The following SND1 variants were observed in gnomAD, a reference collection of about 807,000 sequenced individuals.
SND1 encodes the protein staphylococcal nuclease and tudor domain containing 1.
A neutral mutation model predicts 121.7 loss-of-function variants in SND1; 38 were observed. The ratio of observed to expected loss-of-function variants is 0.31; its 90% confidence interval spans 0.24 to 0.41. The LOEUF (loss-of-function observed/expected upper bound fraction) is 0.41, where lower values mean the gene tolerates loss of function less well. Among genes scored for constraint, SND1 ranks in the 10% least tolerant of loss-of-function variants. SND1 has a pLI of 1.00. For missense variants in SND1, 868 were observed against 1,184.6 expected (o/e 0.73, Z 3.92); for synonymous variants, 401 against 447.4 (o/e 0.90, Z 1.31).
At chr7:127,918,903 A>G (rs1430800260) in intron 14 of SND1, among the ~76,000 whole-genome samples, 1 of 152,158 alleles carries the variant, frequency 6.6e-6, no homozygotes, top group Non-Finnish European at 1.5e-5. Context: ...TTTTAATTGG[A>G]TGCATTTGTT....
intron 15 of SND1, among the ~76,000 whole-genome samples, chr7:127,945,980 C>T (rs1011793048): frequency 2.0e-5 from 3 of 152,190 alleles, no homozygotes; most frequent in African/African-American, 7.2e-5. Flanking sequence ...ATATTTATCT[C>T]CAGGTAACAA....
intron 10 of SND1, among the ~76,000 whole-genome samples, chr7:127,779,631 G>A (rs1317039034): frequency 2.0e-5 from 3 of 152,176 alleles, no homozygotes; most frequent in African/African-American, 7.2e-5. Flanking sequence ...GGTCACTGGG[G>A]ACACTTAATG....
At chr7:127,922,198 T>TTTTG (rs1800731723) in intron 14 of SND1, among the ~76,000 whole-genome samples, 1 of 126,874 alleles carries the variant, frequency 7.9e-6, no homozygotes, top group Non-Finnish European at 1.6e-5. Flanking sequence ...TTTTTTTTTT[T>TTTTG]TTTTTGTTTT....
At chr7:127,813,517 A>T (rs1307454603) in intron 11 of SND1, among the ~76,000 whole-genome samples, 3 of 152,146 alleles carry the variant, frequency 2.0e-5, no homozygotes, top group African/African-American at 7.2e-5. Flanking sequence ...TGTTGAGCTG[A>T]GCACACATTT....
intron 10 of SND1, among the ~76,000 whole-genome samples, chr7:127,726,833 A>G (rs1181874279): frequency 6.6e-6 from 1 of 152,210 alleles, no homozygotes; most frequent in East Asian, 1.9e-4. Flanking sequence ...CCCCAGGTGT[A>G]TAAAATTTGC....
intron 10 of SND1, among the ~76,000 whole-genome samples, chr7:127,753,819 G>A (rs939353270): frequency 7.2e-5 from 11 of 152,028 alleles, no homozygotes; most frequent in African/African-American, 2.4e-4. Flanking sequence ...ACCCTGCCCA[G>A]CTAATACAAT....
At chr7:127,723,104 G>C (rs1365577390) in intron 10 of SND1, among the ~76,000 whole-genome samples, 4 of 152,322 alleles carry the variant, frequency 2.6e-5, no homozygotes, top group African/African-American at 9.6e-5. Context: ...TTATGTTAAT[G>C]TAGACTATAT....
At chr7:127,958,787 T>G (rs1801659489) in intron 15 of SND1, among the ~76,000 whole-genome samples, 1 of 151,948 alleles carries the variant, frequency 6.6e-6, no homozygotes, top group African/African-American at 2.4e-5. Context: ...TGCAGAAGAG[T>G]AAACCACTGG....
chr7:127,674,983 C>T (rs1248327210), intron 1 of SND1, among the ~76,000 whole-genome samples: 1 of 152,200 alleles, frequency 6.6e-6, no homozygotes, highest in Non-Finnish European at 1.5e-5. Flanking sequence ...GGCAGATCAC[C>T]TGAGGTCAGG....
chr7:127,785,473 CT>C (rs920336327), intron 10 of SND1, among the ~76,000 whole-genome samples: 1 of 152,206 alleles, frequency 6.6e-6, no homozygotes, highest in Admixed American at 6.5e-5. Context: ...AGATGACATT[CT>C]TTAAGAAATA....
chr7:128,034,122 C>T (rs1346550519), intron 16 of SND1, among the ~76,000 whole-genome samples: 2 of 152,114 alleles, frequency 1.3e-5, no homozygotes, highest in Non-Finnish European at 2.9e-5. Context: ...AACCCTGAGT[C>T]CGATGTTTTC....
At position 127,702,513 on chromosome 7, in the gene SND1, T is replaced by A; in HGVS notation, c.668T>A (p.Leu223Gln). The A allele has an allele frequency of 6.2e-7, 1 of 1,614,044 alleles. No individual in the cohort carries two copies. Among genetic ancestry groups the A allele is most frequent in the Non-Finnish European group, 8.5e-7 (1 of 1,179,920 alleles). ...LPDYYLVTVM[L>Q]SGIKCPTFRR... is the part of the protein sequence containing the mutation. ...GATTACTACCTGGTTACAGTCATGC[T>A]GTCAGGCATCAAGGTCAGACCATAC... Residue 223 changes from leucine (L) to glutamine (Q), a missense_variant, in exon 6 of 24, where the codon CTG becomes CAG. By Grantham distance (113) the Leu-to-Gln change is moderately radical. Coordinates refer to ENST00000354725, the MANE Select transcript of SND1 (RefSeq NM_014390.4).
chr7:127,980,415 C>T lies in SND1; in HGVS notation c.1670-10532C>T, dbSNP rs1361728449. Among the ~76,000 whole-genome samples, 3 of 16,672 alleles carry T rather than the reference C, an allele frequency of 1.8e-4. 1 individual carries two copies. Among genetic ancestry groups the T allele is most frequent in the Non-Finnish European group, 3.3e-4 (3 of 8,998 alleles). The allele number at this position is 16,672 out of a possible 152,430, so 10.9% of individuals were successfully genotyped here. A position where few individuals can be genotyped will look rare whatever the true frequency, so the allele number is the denominator to read the frequency against. The stretch of plus-strand genomic sequence containing the variant: ...GATTACAGGCGTGAGCCACCGCGCC[C>T]GGCCTCTTTTTCTTTAAAGTAAAGT... On this transcript the variant is annotated intron_variant, in intron 15 of 23. Transcript: ENST00000354725.
At chr7:128,087,800 C>T (rs746839677) in intron 21 of SND1, among the ~76,000 whole-genome samples, 6 of 152,102 alleles carry the variant, frequency 3.9e-5, no homozygotes, top group Non-Finnish European at 7.4e-5. Context: ...GTCCTGCCAT[C>T]TGAGAACAGG....
At chr7:127,899,024 G>A (rs114036048) in intron 13 of SND1, among the ~76,000 whole-genome samples, 46 of 152,160 alleles carry the variant, frequency 3.0e-4, no homozygotes, top group African/African-American at 9.4e-4. Context: ...TCACTGTTCC[G>A]CATTAATCAG....
intron 14 of SND1, among the ~76,000 whole-genome samples, chr7:127,907,807 A>C (rs907455368): frequency 1.3e-5 from 2 of 151,988 alleles, no homozygotes; most frequent in Admixed American, 1.3e-4. Context: ...TTGAGTTTCT[A>C]CTCCTTTTCC....
intron 13 of SND1, among the ~76,000 whole-genome samples, chr7:127,897,984 A>T (rs1365346163): frequency 6.6e-6 from 1 of 152,084 alleles, no homozygotes; most frequent in Non-Finnish European, 1.5e-5. Context: ...CCTCTCAAGA[A>T]GACTTTAGAC....
At chr7:127,870,550 A>G (rs1799566243) in intron 12 of SND1, among the ~76,000 whole-genome samples, 1 of 152,216 alleles carries the variant, frequency 6.6e-6, no homozygotes, top group East Asian at 1.9e-4. Flanking sequence ...AAAACTGTAC[A>G]TCATGTTGCT....
At chr7:127,708,258 A>G (rs1796236958) in intron 9 of SND1, among the ~76,000 whole-genome samples, 1 of 151,996 alleles carries the variant, frequency 6.6e-6, no homozygotes, top group South Asian at 2.1e-4. Flanking sequence ...AAACTAACCT[A>G]AGCAAAAGTA....
Sources: gnomAD v4.1 joint callset for allele counts (sites outside exome capture counted in the v4.1 genomes callset) on GRCh38, gnomAD v4.1.1 for gene constraint, MANE v1.5 for transcripts, NCBI Gene and HGNC (gene_info 2026-07-23, HGNC 2026-07-21) for gene names.